SIAH1: variants seen among roughly 807,000 people sequenced by gnomAD.
SIAH1 encodes the protein siah E3 ubiquitin protein ligase 1, also known as E3 ubiquitin-protein ligase SIAH1.
Under a neutral mutation model 20.0 loss-of-function variants are expected in SIAH1, and 2 were observed. The ratio of observed to expected loss-of-function variants is 0.10; its 90% CI spans 0.04 to 0.31. SIAH1 has a LOEUF of 0.31. Among genes scored for constraint, SIAH1 ranks in the 10% least tolerant of loss-of-function variants. The pLI is 1.00. For synonymous variants in SIAH1, 118 were observed against 125.3 expected, an observed-to-expected ratio of 0.94 and a Z score of 0.39; for missense variants, 119 against 355.3, an observed-to-expected ratio of 0.33 and a Z score of 5.35.
At chr16:48,380,226 G>A (rs1461629580) in intron 1 of SIAH1, among the ~76,000 whole-genome samples, 1 of 152,136 alleles carries the variant, frequency 6.6e-6, no homozygotes, top group Non-Finnish European at 1.5e-5. Context: ...CAGATCACTT[G>A]AGGCCAGGAG....
At chr16:48,371,342 TA>T (rs1057343496) in intron 1 of SIAH1, among the ~76,000 whole-genome samples, 23 of 152,198 alleles carry the variant, frequency 1.5e-4, no homozygotes, top group African/African-American at 4.3e-4. Flanking sequence ...TGAATAACCC[TA>T]AAAAAATCAT....
At chr16:48,379,237 G>T (rs1961192588) in intron 1 of SIAH1, among the ~76,000 whole-genome samples, 1 of 152,074 alleles carries the variant, frequency 6.6e-6, no homozygotes, top group Admixed American at 6.5e-5. Context: ...GGACATGGGG[G>T]CTGGGGGGGC....
At chr16:48,368,056 CTT>C (rs1239163319) in intron 1 of SIAH1, among the ~76,000 whole-genome samples, 1 of 152,196 alleles carries the variant, frequency 6.6e-6, no homozygotes, top group Non-Finnish European at 1.5e-5. Flanking sequence ...GAAAGATAAA[CTT>C]TTATTCTCAA....
chr16:48,385,284 C>T lies in SIAH1; in HGVS notation c.-83G>A. The T allele has an allele frequency of 3.3e-6, 1 of 298,948 alleles. No individual in the cohort carries two copies. Among genetic ancestry groups the T allele is most frequent in the South Asian group, 2.4e-5 (1 of 41,528 alleles). The allele number at this position is 298,948 out of a possible 1,614,324, so 18.5% of individuals were successfully genotyped here. ...CCAACCCCCGCCACCGCGGGCAGCG[C>T]CACCGCCTCTTCCCGGCGCCGAGAC... On this transcript the variant is annotated 5_prime_UTR_variant, in exon 1 of 2. Transcript: ENST00000394725.
intron 1 of SIAH1, chr16:48,365,416 A>C: frequency 6.2e-7 from 1 of 1,614,048 alleles, no homozygotes; most frequent in Non-Finnish European, 8.5e-7. Context: ...GGCCGCTGGT[A>C]AACATGTGAA....
intron 1 of SIAH1, among the ~76,000 whole-genome samples, chr16:48,384,509 A>G (rs910319151): frequency 6.6e-6 from 1 of 152,200 alleles, no homozygotes; most frequent in African/African-American, 2.4e-5. Flanking sequence ...AATAAGCTAG[A>G]GCTTCCCCGG....
chr16:48,373,890 C>T (rs1244635322), intron 1 of SIAH1, among the ~76,000 whole-genome samples: 1 of 152,150 alleles, frequency 6.6e-6, no homozygotes, highest in Non-Finnish European at 1.5e-5. Flanking sequence ...CACTGACTTC[C>T]TTGTTCAATG....
chr16:48,375,195 G>A (rs987171373), intron 1 of SIAH1, among the ~76,000 whole-genome samples: 3 of 152,206 alleles, frequency 2.0e-5, no homozygotes, highest in African/African-American at 7.2e-5. Context: ...ATGGATGCCT[G>A]TTTGTAATAG....
At chr16:48,365,431 A>T in intron 1 of SIAH1, 1 of 1,613,564 alleles carries the variant, frequency 6.2e-7, no homozygotes, top group Non-Finnish European at 8.5e-7. Flanking sequence ...TGTGAACAAG[A>T]CTCCCCTCCA....
intron 1 of SIAH1, among the ~76,000 whole-genome samples, chr16:48,364,231 C>A (rs112660282): frequency 3.4e-4 from 51 of 152,190 alleles, no homozygotes; most frequent in African/African-American, 8.9e-4. Flanking sequence ...TGAGCCACTG[C>A]GCCCGGCCAC....
intron 1 of SIAH1, among the ~76,000 whole-genome samples, chr16:48,367,415 CTTAA>C (rs778484415): frequency 1.4e-4 from 21 of 152,192 alleles, no homozygotes; most frequent in Non-Finnish European, 2.8e-4. Context: ...GGCCCCTCTA[CTTAA>C]TTAAGTCAGA....
intron 1 of SIAH1, among the ~76,000 whole-genome samples, chr16:48,377,103 T>C (rs1160761429): frequency 6.6e-6 from 1 of 152,202 alleles, no homozygotes; most frequent in Non-Finnish European, 1.5e-5. Context: ...TTCTACAAAA[T>C]TCAAGACTGG....
intron 1 of SIAH1, among the ~76,000 whole-genome samples, chr16:48,379,260 G>A (rs1410567894): frequency 1.3e-5 from 2 of 152,086 alleles, no homozygotes; most frequent in Non-Finnish European, 2.9e-5. Flanking sequence ...GGGGAAGGCA[G>A]GGAACAGCAA....
At chr16:48,371,578 G>A (rs1270685350) in intron 1 of SIAH1, among the ~76,000 whole-genome samples, 2 of 152,212 alleles carry the variant, frequency 1.3e-5, no homozygotes, top group Non-Finnish European at 2.9e-5. Context: ...GAGCAGAGAA[G>A]AGCAACAGAA....
chr16:48,386,167 T>G (rs561464801), upstream of SIAH1, among the ~76,000 whole-genome samples: 75 of 152,306 alleles, frequency 4.9e-4, no homozygotes, highest in Non-Finnish European at 9.3e-4. Flanking sequence ...AGCAAGCATC[T>G]GAGACATTTA....
intron 1 of SIAH1, among the ~76,000 whole-genome samples, chr16:48,377,934 A>G (rs1401037199): frequency 6.6e-6 from 1 of 152,064 alleles, no homozygotes; most frequent in Non-Finnish European, 1.5e-5. Context: ...AAATTATAAT[A>G]AAATAAAATA....
rs1597018891 is a variant in SIAH1, at chr16:48,362,900, A to C, written c.-2-470T>G. The C allele has an allele frequency of 5.9e-6, 1 of 168,414 alleles. No homozygotes were observed. The highest frequency in any genetic ancestry group is 1.9e-4 in the East Asian group (1 of 5,212). The allele number at this position is 168,414 out of a possible 1,614,324, so 10.4% of individuals were successfully genotyped here. ...TGTATAAAATCGGCACTCTGTATCC[A>C]CACGGTCTGCATCCGAGGACTTCAC... On this transcript the variant is annotated intron_variant, in intron 1 of 1. Coordinates refer to ENST00000394725, the MANE Select transcript of SIAH1 (RefSeq NM_003031.4). The surrounding 1 kb of genome is among the most constrained non-coding windows in gnomAD (Gnocchi z 4.2).
At chr16:48,365,149 G>A in intron 1 of SIAH1, 1 of 449,856 alleles carries the variant, frequency 2.2e-6, no homozygotes, top group Non-Finnish European at 4.0e-6. Context: ...AAACAGAAAA[G>A]GAATCCCAAC....
intron 1 of SIAH1, among the ~76,000 whole-genome samples, chr16:48,368,690 G>A (rs1298346553): frequency 6.6e-6 from 1 of 152,036 alleles, no homozygotes; most frequent in Non-Finnish European, 1.5e-5. Context: ...AGTGAGCCAA[G>A]ATCGTGCCAC....
Sources: gnomAD v4.1 joint callset for allele counts (sites outside exome capture counted in the v4.1 genomes callset) on GRCh38, gnomAD v4.1.1 for gene constraint, Gnocchi (gnomAD v3.1) non-coding constraint, MANE v1.5 for transcripts, NCBI Gene and HGNC (gene_info 2026-07-23, HGNC 2026-07-21) for gene names.